The following LNX2 variants were observed in gnomAD, a reference collection of about 807,000 sequenced individuals.
LNX2 encodes ligand of Numb protein X 2.
In LNX2, 35 loss-of-function variants were observed where a neutral mutation model predicts 66.2. That is an observed-to-expected ratio of 0.53 (90% CI 0.40 to 0.70). The LOEUF (loss-of-function observed/expected upper bound fraction) is 0.70. Ranked by LOEUF, LNX2 falls within the 30% of genes least tolerant of loss-of-function variation. The probability of loss-of-function intolerance (pLI) is 0.00; values close to 1 mark genes in which losing one functional copy is unlikely to be tolerated. For missense variants in LNX2, 791 were observed against 850.8 expected, an observed-to-expected ratio of 0.93 and a Z score of 0.87; for synonymous variants, 337 against 315.6, an observed-to-expected ratio of 1.07 and a Z score of -0.72.
chr13:27,578,192 A>T (rs904063934), intron 2 of LNX2, among the ~76,000 whole-genome samples: 3 of 152,210 alleles, frequency 2.0e-5, no homozygotes, highest in African/African-American at 7.2e-5. Flanking sequence ...AAATTATCAA[A>T]TTTATGCAAA....
At chr13:27,557,129 G>GT (rs1400090830) in intron 6 of LNX2, among the ~76,000 whole-genome samples, 1 of 151,996 alleles carries the variant, frequency 6.6e-6, no homozygotes, top group East Asian at 1.9e-4. Context: ...TTAGAATTCA[G>GT]TAAAAAATAA....
intron 6 of LNX2, among the ~76,000 whole-genome samples, chr13:27,557,687 T>C (rs1453127779): frequency 6.6e-6 from 1 of 152,118 alleles, no homozygotes; most frequent in Non-Finnish European, 1.5e-5. Flanking sequence ...AATCAGGGCC[T>C]GGAATTCTAG....
chr13:27,601,986 T>C (rs540549284), intron 1 of LNX2, among the ~76,000 whole-genome samples: 2 of 152,284 alleles, frequency 1.3e-5, no homozygotes, highest in South Asian at 4.1e-4. Context: ...TCCTCATCCT[T>C]CCCTGTTTTA....
At chr13:27,552,260 C>T (rs1273834588) in intron 8 of LNX2, among the ~76,000 whole-genome samples, 2 of 152,194 alleles carry the variant, frequency 1.3e-5, no homozygotes, top group Non-Finnish European at 2.9e-5. Context: ...TCTGCCTGCC[C>T]CATCATTAGA....
chr13:27,598,850 T>C (rs1955626957), intron 1 of LNX2, among the ~76,000 whole-genome samples: 3 of 152,132 alleles, frequency 2.0e-5, no homozygotes, highest in Admixed American at 2.0e-4. Flanking sequence ...CACATATATG[T>C]TTACATAAAC....
chr13:27,613,136 C>T (rs9512763), intron 1 of LNX2, among the ~76,000 whole-genome samples: 35,266 of 151,980 alleles, frequency 0.23, 4,440 homozygotes, highest in African/African-American at 0.32. Context: ...TGAACAGGGG[C>T]GTTATCTGGC....
In LNX2 at chr13:27,589,445, T is replaced by C. The variant is rs533227241; in HGVS notation, c.-100-7642A>G. ...CTGTTTATATATAATAAAACACTTA[T>C]TGGTATATTTACCTTTTAGTCTCAG... On this transcript the variant is annotated intron_variant, in intron 1 of 9. Transcript: ENST00000316334. 3.3e-5 allele frequency among the ~76,000 whole-genome samples: 5 copies of C among 152,372 alleles called. No individual in the cohort carries two copies. In the South Asian group the frequency reaches 8.3e-4, roughly 25 times the overall value.
intron 1 of LNX2, among the ~76,000 whole-genome samples, chr13:27,589,178 G>C (rs1955523837): frequency 6.6e-6 from 1 of 152,184 alleles, no homozygotes; most frequent in South Asian, 2.1e-4. Flanking sequence ...ATTGAGCCTT[G>C]CTATAGGAGT....
chr13:27,548,531 T>C, intron 9 of LNX2, 61 bp from the exon 10 acceptor site: 3 of 1,543,568 alleles, frequency 1.9e-6, no homozygotes, highest in East Asian at 2.3e-5. Context: ...AATATCCCAA[T>C]TGAGATTTAT....
intron 1 of LNX2, among the ~76,000 whole-genome samples, chr13:27,593,873 G>A (rs1955570806): frequency 6.6e-6 from 1 of 151,672 alleles, no homozygotes; most frequent in African/African-American, 2.4e-5. Flanking sequence ...TGGGATTACA[G>A]GTGTGAGCCA....
chr13:27,552,021 A>T (rs1463651541), intron 8 of LNX2, among the ~76,000 whole-genome samples: 1 of 152,326 alleles, frequency 6.6e-6, no homozygotes, highest in East Asian at 1.9e-4. Flanking sequence ...ACACACATTG[A>T]ATAGTAGCCT....
chr13:27,620,024 T>C (rs1955877171), intron 1 of LNX2, among the ~76,000 whole-genome samples: 1 of 151,768 alleles, frequency 6.6e-6, no homozygotes, highest in South Asian at 2.1e-4. Flanking sequence ...TCACCCCACC[T>C]CTCCCTTCCC....
rs539417455 is a variant in LNX2, at chr13:27,616,713, G to A, written c.-101+3662C>T. Among the ~76,000 whole-genome samples, 12 of 152,320 alleles carry A rather than the reference G, an allele frequency of 7.9e-5. No homozygotes were observed. The South Asian group carries it at 2.3e-3, about 29-fold the overall frequency. On this transcript the variant is annotated intron_variant, in intron 1 of 9. Transcript: ENST00000316334. ...TTCTTTAAAAGCATACTAACTAGAG[G>A]ACAATTTATTATTGTAATGTCATGA...
Position 27,556,272 on chromosome 13 carries a change from G to C in LNX2, c.1510C>G (p.His504Asp). ...LPIFVTSVPP[H>D]GCLARDGRIK... ...CTGCCATCTCGTGCAAGGCAGCCAT[G>C]GGGTGGCACACTGGTCACAAAGATG... is the stretch of plus-strand genomic sequence containing the variant. The change falls in exon 7 of 10, where the codon CAT becomes GAT. Residue 504 changes from histidine (H) to aspartate (D), a missense_variant. His to Asp is a moderately conservative substitution (Grantham distance 81, BLOSUM62 -1). Transcript: ENST00000316334. 6.2e-7 allele frequency: 1 copy of C among 1,613,938 alleles called. No individual in the cohort carries two copies. The highest frequency in any genetic ancestry group is 8.5e-7 in the Non-Finnish European group (1 of 1,179,948).
intron 1 of LNX2, among the ~76,000 whole-genome samples, chr13:27,586,182 G>A (rs1427655398): frequency 6.6e-6 from 1 of 151,568 alleles, no homozygotes; most frequent in African/African-American, 2.4e-5. Context: ...CAATGTAAGT[G>A]CTATCTATTA....
intron 1 of LNX2, 140 bp from the exon 2 acceptor site, chr13:27,581,943 A>G (rs1420254620): frequency 1.9e-5 from 7 of 367,316 alleles, no homozygotes; most frequent in Middle Eastern, 7.0e-4. Context: ...AGTCATAAAA[A>G]AAGAAATTAA....
At chr13:27,579,212 G>A (rs1186533240) in intron 2 of LNX2, among the ~76,000 whole-genome samples, 2 of 152,162 alleles carry the variant, frequency 1.3e-5, no homozygotes, top group African/African-American at 4.8e-5. Context: ...ATTTCTACCT[G>A]AATTTCAATG....
intron 1 of LNX2, among the ~76,000 whole-genome samples, chr13:27,601,946 G>C (rs779007524): frequency 1.3e-5 from 2 of 152,060 alleles, no homozygotes; most frequent in Non-Finnish European, 1.5e-5. Flanking sequence ...CTACCATTAA[G>C]ATTTAACTAT....
chr13:27,553,471 T>G (rs758199496), intron 7 of LNX2, 32 bp from the exon 8 acceptor site: 1 of 1,550,496 alleles, frequency 6.4e-7, no homozygotes, highest in Non-Finnish European at 8.9e-7. Context: ...AAAAATGAGC[T>G]GAGCCACTGA....
Sources: allele counts gnomAD v4.1 joint callset (sites outside exome capture counted in the v4.1 genomes callset), GRCh38; gene constraint gnomAD v4.1.1; transcripts MANE v1.5; gene names NCBI Gene and HGNC (gene_info 2026-07-23, HGNC 2026-07-21).